NCAPD3: variants seen among roughly 807,000 people sequenced by gnomAD.
The protein encoded by NCAPD3 is condensin-2 complex subunit D3.
In NCAPD3, 105 loss-of-function variants were observed where a neutral mutation model predicts 182.9. The ratio of observed to expected loss-of-function variants is 0.57; its 90% confidence interval spans 0.49 to 0.68. NCAPD3 has a LOEUF of 0.68. Among genes scored for constraint, NCAPD3 ranks in the 30% least tolerant of loss-of-function variants. The pLI is 0.00. For missense variants in NCAPD3, 1,944 were observed against 1,837.0 expected (o/e 1.06, Z -1.07); for synonymous variants, 815 against 679.9 (o/e 1.20, Z -3.09).
chr11:134,162,642 A>G (rs1262707196), intron 27 of NCAPD3, among the ~76,000 whole-genome samples: 1 of 152,232 alleles, frequency 6.6e-6, no homozygotes, highest in African/African-American at 2.4e-5. Flanking sequence ...AGTTCCTGAA[A>G]CAGAAGGACA....
chr11:134,195,947 A>G (rs924060427), intron 13 of NCAPD3, among the ~76,000 whole-genome samples: 1 of 152,182 alleles, frequency 6.6e-6, no homozygotes, highest in Non-Finnish European at 1.5e-5. Flanking sequence ...TTTTACTTCA[A>G]GGACCCCTGA....
intron 14 of NCAPD3, 58 bp downstream of exon 14, chr11:134,194,607 C>T: frequency 1.6e-6 from 2 of 1,258,548 alleles, no homozygotes; most frequent in African/African-American, 1.5e-5. Flanking sequence ...AAAAATATTC[C>T]TTTGCATTTC....
Position 134,182,430 on chromosome 11 carries a change from C to T in NCAPD3, c.2452-1246G>A, listed in dbSNP as rs138799428. Among the ~76,000 whole-genome samples the T allele has an allele frequency of 4.2e-3, 636 of 152,358 alleles. 4 individuals are homozygous for T. Among genetic ancestry groups the T allele is most frequent in the African/African-American group, 0.015 (609 of 41,580 alleles). Reference sequence around the variant, plus strand: ...CCAATTCTTTTATCTGAAAGTCCTTCATAAATTTGAATTTAGCTAGGCAGC... The same window carrying T: ...CCAATTCTTTTATCTGAAAGTCCTTTATAAATTTGAATTTAGCTAGGCAGC... On this transcript the variant is annotated intron_variant, in intron 19 of 34. Coordinates refer to ENST00000534548, the MANE Select transcript of NCAPD3 (RefSeq NM_015261.3).
chr11:134,164,994 A>C (rs1943721829), intron 27 of NCAPD3, among the ~76,000 whole-genome samples: 1 of 146,390 alleles, frequency 6.8e-6, no homozygotes, highest in African/African-American at 2.6e-5. Context: ...CTTGTGACAC[A>C]AACTTAGGGA....
intron 32 of NCAPD3, 140 bp downstream of exon 32, chr11:134,156,878 C>A: frequency 1.4e-6 from 1 of 710,696 alleles, no homozygotes. Flanking sequence ...CTGTGAAATA[C>A]TCCACCTCAG....
chr11:134,218,986 T>C (rs1016084703), intron 2 of NCAPD3, among the ~76,000 whole-genome samples: 5 of 152,200 alleles, frequency 3.3e-5, no homozygotes, highest in African/African-American at 4.8e-5. Flanking sequence ...AGTTAATACA[T>C]GCAGGACGCT....
chr11:134,154,938 C>A (rs1943378274), intron 32 of NCAPD3, among the ~76,000 whole-genome samples: 1 of 152,182 alleles, frequency 6.6e-6, no homozygotes, highest in South Asian at 2.1e-4. Flanking sequence ...TGAAGTCTCT[C>A]CTTGTGCTGT....
intron 20 of NCAPD3, among the ~76,000 whole-genome samples, chr11:134,179,233 G>A (rs1257442909): frequency 1.3e-5 from 2 of 152,080 alleles, no homozygotes; most frequent in African/African-American, 2.4e-5. Context: ...GGGTTATCTT[G>A]GGTAAACTGG....
intron 1 of NCAPD3, chr11:134,223,304 A>C (rs1413189957): frequency 1.6e-6 from 1 of 645,080 alleles, no homozygotes; most frequent in Non-Finnish European, 2.9e-6. Context: ...TCAGGAATGG[A>C]GCGGGGCTGC....
At chr11:134,218,061 G>GCATTCCAGC (rs1341684553) in intron 2 of NCAPD3, among the ~76,000 whole-genome samples, 1 of 127,594 alleles carries the variant, frequency 7.8e-6, no homozygotes, top group Non-Finnish European at 1.6e-5. Flanking sequence ...CTGTGCCACT[G>GCATTCCAGC]CATTCCAGCC....
At chr11:134,189,989 CACTA>C (rs1258234230) in intron 16 of NCAPD3, among the ~76,000 whole-genome samples, 14 of 152,082 alleles carry the variant, frequency 9.2e-5, no homozygotes, top group African/African-American at 1.9e-4. Context: ...AGATTTTGTC[CACTA>C]ACTATTAAAT....
At chr11:134,203,338 T>C in intron 11 of NCAPD3, 140 bp from the exon 12 acceptor site, 2 of 715,050 alleles carry the variant, frequency 2.8e-6, no homozygotes, top group Non-Finnish European at 4.7e-6. Flanking sequence ...GATAACGTTC[T>C]CCTTGGGTAT....
chr11:134,170,559 A>T (rs568829009), intron 24 of NCAPD3, among the ~76,000 whole-genome samples: 2 of 152,380 alleles, frequency 1.3e-5, no homozygotes, highest in East Asian at 3.8e-4. Context: ...GAAGTCACAT[A>T]TACGAAAATG....
chr11:134,163,139 T>C (rs1182593231), intron 27 of NCAPD3, among the ~76,000 whole-genome samples: 1 of 152,178 alleles, frequency 6.6e-6, no homozygotes, highest in Non-Finnish European at 1.5e-5. Flanking sequence ...CTTGTTTACC[T>C]TGAAAAAGAA....
chr11:134,168,929 G>A lies in NCAPD3; in HGVS notation c.3227C>T (p.Pro1076Leu). 1 of 1,613,194 alleles carries A rather than the reference G, an allele frequency of 6.2e-7. No homozygotes were observed. The highest frequency in any genetic ancestry group is 1.7e-4 in the Middle Eastern group (1 of 6,054). ...CTGCTTCACTGACCTCTCTGACTGG[G>A]GGAACTTGTTGTACTTCTCATGCTT... ...YEKHEKYNKF[P>L]QSEREKRLFS... Residue 1076 changes from proline (P) to leucine (L), a missense_variant, in exon 25 of 35, where the codon CCC becomes CTC. Coordinates refer to ENST00000534548, the MANE Select transcript of NCAPD3 (RefSeq NM_015261.3).
Position 134,209,306 on chromosome 11 carries a change from C to G in NCAPD3, c.732+7G>C, listed in dbSNP as rs1477882821. 8.7e-6 allele frequency: 14 copies of G among 1,610,018 alleles called. No homozygotes were observed. Among genetic ancestry groups the G allele is most frequent in the Admixed American group, 6.8e-5 (4 of 59,072 alleles). On this transcript the variant is annotated splice_region_variant and intron_variant, in intron 5 of 34. Coordinates refer to ENST00000534548, the MANE Select transcript of NCAPD3 (RefSeq NM_015261.3). ...GTTGCCCTAAGGTTCCTGGAATTTT[C>G]ACTTACCTCTATACAATTCTGTACA... is the stretch of plus-strand genomic sequence containing the variant.
chr11:134,217,289 T>C (rs535193207), intron 2 of NCAPD3, among the ~76,000 whole-genome samples, 191 bp from the exon 3 acceptor site: 26 of 152,266 alleles, frequency 1.7e-4, no homozygotes, highest in African/African-American at 6.3e-4. Context: ...TTATTCAAAA[T>C]TACCAAGATA....
chr11:134,220,636 G>A lies in NCAPD3; in HGVS notation c.155C>T (p.Ala52Val), dbSNP rs1321231617. The A allele has an allele frequency of 6.2e-7, 1 of 1,613,984 alleles. No homozygotes were observed. Among genetic ancestry groups the A allele is most frequent in the Non-Finnish European group, 8.5e-7 (1 of 1,179,864 alleles). The change falls in exon 2 of 35, where the codon GCT (alanine) becomes GTT (valine). Residue 52 changes from alanine to valine, a missense_variant. This residue lies in a region of NCAPD3 where 131 missense variants were observed against 133.9 expected (regional missense o/e 0.98). Coordinates refer to ENST00000534548, the MANE Select transcript of NCAPD3 (RefSeq NM_015261.3). Reference sequence around the variant, plus strand: ...GCTTTCATAGAGTTTTGTGAATGCAGCCAATCCAGTCTCTATGATCTCTGC... The same window carrying A: ...GCTTTCATAGAGTTTTGTGAATGCAACCAATCCAGTCTCTATGATCTCTGC... ...IEAEIIETGL[A>V]AFTKLYESLL... is the part of the protein sequence containing the mutation.
intron 3 of NCAPD3, among the ~76,000 whole-genome samples, chr11:134,213,628 TAAAAAAAAAA>T: frequency 7.5e-6 from 1 of 133,338 alleles, no homozygotes; most frequent in East Asian, 2.1e-4. Context: ...TCGTCTCTCT[TAAAAAAAAAA>T]AAAAGAAAAA....
Sources: allele counts gnomAD v4.1 joint callset (sites outside exome capture counted in the v4.1 genomes callset), GRCh38; gene constraint gnomAD v4.1.1; regional missense constraint gnomAD v4.1.1; transcripts MANE v1.5; gene names NCBI Gene and HGNC (gene_info 2026-07-23, HGNC 2026-07-21).